NDRG1: variants seen among roughly 807,000 people sequenced by gnomAD.
NDRG1 encodes N-myc downstream regulated 1.
A neutral mutation model predicts 56.9 loss-of-function variants in NDRG1; 32 were observed. The observed-to-expected ratio is 0.56, with a 90% CI of 0.42 to 0.76. NDRG1 has a LOEUF of 0.76. Among genes scored for constraint, NDRG1 ranks in the 30% least tolerant of loss-of-function variants. NDRG1 has a pLI of 0.00. For missense variants in NDRG1, 507 were observed against 545.7 expected (o/e 0.93, Z 0.71); for synonymous variants, 211 against 204.1 (o/e 1.03, Z -0.29).
chr8:133,279,239 C>G (rs1220944694), intron 3 of NDRG1, among the ~76,000 whole-genome samples: 1 of 152,134 alleles, frequency 6.6e-6, no homozygotes, highest in African/African-American at 2.4e-5. Context: ...CAGCCTGACA[C>G]AACCAGGATG....
intron 13 of NDRG1, 99 bp from the exon 14 acceptor site, chr8:133,244,489 T>C: frequency 1.5e-6 from 2 of 1,361,716 alleles, no homozygotes; most frequent in Non-Finnish European, 2.1e-6. Context: ...CCCGCTGCCC[T>C]GCCCTGCCTT....
At chr8:133,272,189 A>G (rs565237953) in intron 3 of NDRG1, among the ~76,000 whole-genome samples, 3 of 152,216 alleles carry the variant, frequency 2.0e-5, no homozygotes. Flanking sequence ...AACAGGCTGC[A>G]GTGGGCAGAA....
chr8:133,296,442 G>C (rs117927635), intron 1 of NDRG1: 2 of 455,096 alleles, frequency 4.4e-6, no homozygotes, highest in East Asian at 1.4e-4. Context: ...CACTTGCTCC[G>C]GCTCGCGTGT....
chr8:133,283,745 G>C (rs1857942259), intron 2 of NDRG1, among the ~76,000 whole-genome samples: 1 of 152,184 alleles, frequency 6.6e-6, no homozygotes, highest in Non-Finnish European at 1.5e-5. Flanking sequence ...GTTAGCAAGT[G>C]GACACCAAGC....
chr8:133,259,502 C>T (rs1317187289), intron 5 of NDRG1: 2 of 514,326 alleles, frequency 3.9e-6, no homozygotes, highest in African/African-American at 3.8e-5. Flanking sequence ...AGGATTTCCC[C>T]TCATAGCAAG....
intron 7 of NDRG1, among the ~76,000 whole-genome samples, chr8:133,257,316 C>CACACAG (rs756183850): frequency 0.13 from 16,254 of 129,030 alleles, 1,062 homozygotes; most frequent in Non-Finnish European, 0.17. Flanking sequence ...CACACACACA[C>CACACAG]AGAGAGAGAG....
At chr8:133,250,580 A>G (rs1242780878) in intron 9 of NDRG1, 37 bp from the exon 10 acceptor site, 2 of 1,549,960 alleles carry the variant, frequency 1.3e-6, no homozygotes, top group Non-Finnish European at 1.8e-6. Context: ...TCCTCATCGC[A>G]CTGTGGCCCT....
intron 1 of NDRG1, among the ~76,000 whole-genome samples, chr8:133,296,084 G>A (rs1393463333): frequency 6.6e-6 from 1 of 152,158 alleles, no homozygotes; most frequent in Non-Finnish European, 1.5e-5. Context: ...ATTTGACAGA[G>A]GCGTGACAGC....
At chr8:133,248,615 C>CAATGTCCTGCCACACTCAGAAAG in intron 11 of NDRG1, 100 bp downstream of exon 11, 1 of 1,368,386 alleles carries the variant, frequency 7.3e-7, no homozygotes. Flanking sequence ...CTCACTGACA[C>CAATGTCCTGCCACACTCAGAAAG]AATGTCCTGC....
intron 2 of NDRG1, among the ~76,000 whole-genome samples, chr8:133,280,542 G>C (rs1023180175): frequency 6.6e-6 from 1 of 151,676 alleles, no homozygotes; most frequent in African/African-American, 2.4e-5. Context: ...TCCTGCCTCA[G>C]CCTCCTGAGT....
intron 3 of NDRG1, among the ~76,000 whole-genome samples, chr8:133,275,485 T>A (rs774310078): frequency 5.3e-5 from 8 of 152,178 alleles, no homozygotes; most frequent in Non-Finnish European, 1.2e-4. Context: ...CCTGGAATGA[T>A]CTATCCCCAG....
At position 133,264,589 on chromosome 8, in the gene NDRG1, T is replaced by C. The variant is rs764356785; in HGVS notation, c.163A>G (p.Asn55Asp). 1 of 1,614,210 alleles carries C rather than the reference T, an allele frequency of 6.2e-7. No homozygotes were observed. The highest frequency in any genetic ancestry group is 1.1e-5 in the South Asian group (1 of 91,086). Reference sequence around the variant, plus strand: ...TGGTAGGTGAGGATGACAGGCCGGTTTCCCTTGGGAGTCCCACACAGCGTG... The same window carrying C: ...TGGTAGGTGAGGATGACAGGCCGGTCTCCCTTGGGAGTCCCACACAGCGTG... The part of the protein sequence containing the change: ...HVTLCGTPKG[N>D]RPVILTYHDI... The change falls in exon 4 of 16, where the codon AAC becomes GAC. Residue 55 changes from asparagine to aspartate, a missense_variant. Physicochemically the swap from Asn to Asp is conservative, Grantham distance 23. Transcript: ENST00000323851.
intron 8 of NDRG1, among the ~76,000 whole-genome samples, chr8:133,256,507 A>C (rs969427752): frequency 6.6e-6 from 1 of 152,110 alleles, no homozygotes; most frequent in Non-Finnish European, 1.5e-5. Flanking sequence ...AATCCAAGCA[A>C]TGCTTCTCCA....
intron 14 of NDRG1, among the ~76,000 whole-genome samples, chr8:133,243,008 G>T (rs1461424012): frequency 6.6e-6 from 1 of 152,188 alleles, no homozygotes; most frequent in African/African-American, 2.4e-5. Context: ...AAACTTGGAG[G>T]TGAATGCTCA....
intron 1 of NDRG1, among the ~76,000 whole-genome samples, chr8:133,292,722 A>G (rs947539053): frequency 1.3e-5 from 2 of 152,092 alleles, no homozygotes; most frequent in Non-Finnish European, 2.9e-5. Context: ...CAAGGTGGAG[A>G]CCTGGGCCCC....
In NDRG1 at chr8:133,238,848, G is replaced by C. The variant is rs1292648372; in HGVS notation, c.*30C>G. On this transcript the variant is annotated 3_prime_UTR_variant, in exon 16 of 16. Transcript: ENST00000323851. The stretch of plus-strand genomic sequence containing the variant: ...GAGGAGGGGGCCACTACAGAGATCA[G>C]AGTCCGGGGGCGGCAGCTGGGCAGG... 2 of 1,543,296 alleles carry C rather than the reference G, an allele frequency of 1.3e-6. No homozygotes were observed. Among genetic ancestry groups the C allele is most frequent in the South Asian group, 2.4e-5 (2 of 83,926 alleles).
chr8:133,289,478 A>G (rs1363068484), intron 1 of NDRG1, among the ~76,000 whole-genome samples: 1 of 152,026 alleles, frequency 6.6e-6, no homozygotes, highest in Non-Finnish European at 1.5e-5. Context: ...AAGGTTTCTG[A>G]TTATCAGGCC....
At chr8:133,294,173 T>C (rs368020469) in intron 1 of NDRG1, among the ~76,000 whole-genome samples, 5 of 152,136 alleles carry the variant, frequency 3.3e-5, no homozygotes, top group African/African-American at 1.2e-4. Context: ...CGCCCCAACA[T>C]GTTGTCATGG....
chr8:133,243,814 T>C (rs905071506), intron 14 of NDRG1, among the ~76,000 whole-genome samples: 11 of 152,198 alleles, frequency 7.2e-5, no homozygotes, highest in Non-Finnish European at 1.5e-4. Context: ...CTTGTTAGGT[T>C]GGTGAGATTC....
Sources: allele counts gnomAD v4.1 joint callset (sites outside exome capture counted in the v4.1 genomes callset), GRCh38; gene constraint gnomAD v4.1.1; transcripts MANE v1.5; gene names NCBI Gene and HGNC (gene_info 2026-07-23, HGNC 2026-07-21).